CLEC4F: variants seen among roughly 807,000 people sequenced by gnomAD.
The protein encoded by CLEC4F is C-type (calcium dependent, carbohydrate-recognition domain) lectin, superfamily member 13.
Under a neutral mutation model 53.4 loss-of-function variants are expected in CLEC4F, and 45 were observed. The observed-to-expected ratio is 0.84, with a 90% confidence interval of 0.66 to 1.08. The LOEUF (loss-of-function observed/expected upper bound fraction) is 1.08. Among genes scored for constraint, CLEC4F ranks in the 50% least tolerant of loss-of-function variants. The probability of loss-of-function intolerance (pLI) is 0.00; values close to 1 mark genes in which losing one functional copy is unlikely to be tolerated. For synonymous variants in CLEC4F, 245 were observed against 257.5 expected (o/e 0.95, Z 0.46); for missense variants, 753 against 698.2 (o/e 1.08, Z -0.88).
chr2:70,819,540 G>C, intron 2 of CLEC4F, 96 bp from the exon 3 acceptor site: 1 of 1,214,094 alleles, frequency 8.2e-7, no homozygotes, highest in East Asian at 2.3e-5. Context: ...GAACCGGGGA[G>C]ATAGCAGCAA....
At chr2:70,824,621 C>CAAAAAAAAAAAAAAAAAAAA (rs1388918958), upstream of CLEC4F, among the ~76,000 whole-genome samples, 31 of 38,264 alleles carry the variant, frequency 8.1e-4, 2 homozygotes, top group South Asian at 2.6e-3. Context: ...TGCTTAGTTA[C>CAAAAAAAAAAAAAAAAAAAA]CAAAAAAAAA....
intron 4 of CLEC4F, among the ~76,000 whole-genome samples, chr2:70,813,805 T>C (rs1379591659): frequency 1.3e-5 from 2 of 151,874 alleles, no homozygotes; most frequent in Non-Finnish European, 2.9e-5. Context: ...CCCTCCTGAG[T>C]AGCTGGGATT....
At chr2:70,818,252 G>A (rs529227057) in intron 3 of CLEC4F, among the ~76,000 whole-genome samples, 2 of 152,326 alleles carry the variant, frequency 1.3e-5, no homozygotes, top group East Asian at 1.9e-4. Context: ...GCGACAGAAT[G>A]GAGAATACGG....
upstream of CLEC4F, among the ~76,000 whole-genome samples, chr2:70,823,175 G>C (rs1444127550): frequency 1.3e-5 from 2 of 152,150 alleles, no homozygotes; most frequent in Non-Finnish European, 2.9e-5. Context: ...CCAATGTGTA[G>C]AGTGCAGAGC....
chr2:70,816,485 T>C lies in CLEC4F; in HGVS notation c.896A>G (p.Asn299Ser). The change falls in exon 4 of 7, where the codon AAC becomes AGC. Residue 299 changes from asparagine (N) to serine (S), a missense_variant. Coordinates refer to ENST00000272367, the MANE Select transcript of CLEC4F (RefSeq NM_173535.3). ...KENLQNTNAL[N>S]SQTQAFIKSS... is the part of the protein sequence containing the mutation. ...TTTTATAAAGGCCTGGGTCTGGGAG[T>C]TTAAAGCATTTGTGTTCTGCAAATT... 6.2e-7 allele frequency: 1 copy of C among 1,614,048 alleles called. No individual in the cohort carries two copies. Among genetic ancestry groups the C allele is most frequent in the African/African-American group, 1.3e-5 (1 of 74,978 alleles).
At position 70,813,498 on chromosome 2, in the gene CLEC4F, C is replaced by G. The variant is rs1275166275; in HGVS notation, c.1388-900G>C. The stretch of plus-strand genomic sequence containing the variant: ...GCTGAGTCTCTCTTTCTTTCTTTTT[C>G]TTTCTTTCTTTCTTTTCTTTCTTTC... On this transcript the variant is annotated intron_variant, in intron 4 of 6. Coordinates refer to ENST00000272367, the MANE Select transcript of CLEC4F (RefSeq NM_173535.3). 3.7e-5 allele frequency among the ~76,000 whole-genome samples: 4 copies of G among 107,940 alleles called. 1 individual carries two copies. The highest frequency in any genetic ancestry group is 1.0e-4 in the African/African-American group (3 of 29,514). The allele number at this position is 107,940 out of a possible 152,430, so 70.8% of individuals were successfully genotyped here.
intron 5 of CLEC4F, chr2:70,811,261 C>CAT: frequency 1.0e-6 from 1 of 981,814 alleles, no homozygotes; most frequent in Non-Finnish European, 1.6e-6. Flanking sequence ...TCTTAAATGT[C>CAT]ATACTTCCAT....
At chr2:70,810,593 T>A (rs1166717733) in intron 5 of CLEC4F, among the ~76,000 whole-genome samples, 1 of 112,256 alleles carries the variant, frequency 8.9e-6, no homozygotes, top group Non-Finnish European at 1.7e-5. Context: ...CACTCCAGCC[T>A]GGGCAATAGA....
chr2:70,822,707 T>G (rs562132197), upstream of CLEC4F, among the ~76,000 whole-genome samples: 2 of 152,352 alleles, frequency 1.3e-5, no homozygotes, highest in African/African-American at 4.8e-5. Flanking sequence ...ATAAATCACA[T>G]TTTCTTTCAC....
At chr2:70,822,121 A>T (rs940733642), upstream of CLEC4F, among the ~76,000 whole-genome samples, 1 of 152,138 alleles carries the variant, frequency 6.6e-6, no homozygotes. Flanking sequence ...TGTAGCTAGC[A>T]TCTGAAGGGG....
chr2:70,820,636 T>G (rs1302007644), upstream of CLEC4F: 2 of 1,023,426 alleles, frequency 2.0e-6, no homozygotes, highest in South Asian at 3.3e-5. Flanking sequence ...TATATGCTCC[T>G]GACCACCCTC....
rs1553396046 is a variant in CLEC4F at position 70,816,554 on chromosome 2, T to G, written c.827A>C (p.Asn276Thr). The stretch of plus-strand genomic sequence containing the variant: ...CTCAGCATTGGCTCCTTCCAAACTA[T>G]TTCTTAAAACCTGGTTCTGGGTCCT... ...DLRTQNQVLRNSLEGANAEIQ... is the reference protein window; with the variant it reads ...DLRTQNQVLRTSLEGANAEIQ... The change falls in exon 4 of 7, where the codon AAT (asparagine) becomes ACT (threonine). Residue 276 changes from asparagine (N) to threonine (T), a missense_variant. Coordinates refer to ENST00000272367, the MANE Select transcript of CLEC4F (RefSeq NM_173535.3). 6.2e-7 allele frequency: 1 copy of G among 1,613,978 alleles called. No individual in the cohort carries two copies. Among genetic ancestry groups the G allele is most frequent in the South Asian group, 1.1e-5 (1 of 91,062 alleles).
Position 70,816,316 on chromosome 2 carries a change from T to C in CLEC4F, c.1065A>G (p.Thr355=), listed in dbSNP as rs1676903775. Residue 355 remains threonine, a synonymous_variant, in exon 4 of 7, where the codon ACA becomes ACG. Transcript: ENST00000272367. ...TQKANGRLDQ[T]DTQIQVFKSE... is the part of the protein sequence containing the mutation. ...ACTTGAATACCTGAATCTGAGTATC[T>C]GTCTGGTCCAGACGGCCATTTGCTT... The C allele has an allele frequency of 1.2e-6, 2 of 1,614,212 alleles. No homozygotes were observed. Among genetic ancestry groups the C allele is most frequent in the Non-Finnish European group, 8.5e-7 (1 of 1,180,018 alleles).
In CLEC4F at chr2:70,817,030, C is replaced by T. The variant is rs782143511; in HGVS notation, c.351G>A (p.Trp117Ter). The T allele has an allele frequency of 1.2e-5, 19 of 1,614,040 alleles. No homozygotes were observed. The South Asian group carries it at 1.6e-4, about 14-fold the overall frequency. Reference protein sequence around the residue: ...FKGHMENSSAWVVEIQMLKCR... With the variant: ...FKGHMENSSA The stretch of plus-strand genomic sequence containing the variant: ...ACTTCAACATCTGGATTTCTACTAC[C>T]CAGGCACTGGAATTCTCCATGTGGC... Residue 117 changes from tryptophan (W) to a stop codon, truncating the protein, a stop_gained, in exon 4 of 7, where the codon TGG becomes TGA. Transcript: ENST00000272367. LOFTEE classifies it high-confidence loss of function.
chr2:70,810,010 A>T (rs1676462951), intron 5 of CLEC4F, among the ~76,000 whole-genome samples, 153 bp from the exon 6 acceptor site: 1 of 152,220 alleles, frequency 6.6e-6, no homozygotes, highest in Non-Finnish European at 1.5e-5. Flanking sequence ...TCATTTGGGG[A>T]AAGTTAAGAG....
At chr2:70,823,543 A>G (rs559126181), upstream of CLEC4F, among the ~76,000 whole-genome samples, 10 of 152,318 alleles carry the variant, frequency 6.6e-5, no homozygotes, top group East Asian at 1.7e-3. Flanking sequence ...TCCCTTGCCC[A>G]ACTGGAAGGT....
intron 6 of CLEC4F, among the ~76,000 whole-genome samples, 168 bp downstream of exon 6, chr2:70,809,571 C>A (rs1676428148): frequency 1.3e-5 from 2 of 152,048 alleles, no homozygotes; most frequent in South Asian, 4.1e-4. Flanking sequence ...ATGCATTACA[C>A]ATGCCACATA....
In CLEC4F at chr2:70,817,874, G is replaced by A. The variant is rs146212132; in HGVS notation, c.269-762C>T. ...AACAGTTTGAGGATACAGGAAACCT[G>A]AGTAAAAGGCCTTGCGCTGGGGTCG... On this transcript the variant is annotated intron_variant, in intron 3 of 6. Coordinates refer to ENST00000272367, the MANE Select transcript of CLEC4F (RefSeq NM_173535.3). Among the ~76,000 whole-genome samples, 253 of 152,314 alleles carry A rather than the reference G, an allele frequency of 1.7e-3. 1 individual carries two copies. The highest frequency in any genetic ancestry group is 5.7e-3 in the African/African-American group (237 of 41,558).
In CLEC4F at chr2:70,819,982, G is replaced by C. The variant is rs1268498323; in HGVS notation, c.62-91C>G. 4.1e-5 allele frequency: 33 copies of C among 813,654 alleles called. 1 individual carries two copies. The African/African-American group carries it at 5.8e-4, about 14-fold the overall frequency. 50.4% of individuals were successfully genotyped at this position (813,654 alleles called of 1,614,324 possible). A position where few individuals can be genotyped will look rare whatever the true frequency, so the allele number is the denominator to read the frequency against. ...GCTGAGACACAGCCTCTCTGATTCT[G>C]TTTCCTGGGTTGTCTAATGGGGATG... On this transcript the variant is annotated intron_variant, in intron 1 of 6. Coordinates refer to ENST00000272367, the MANE Select transcript of CLEC4F (RefSeq NM_173535.3).
Sources: gnomAD v4.1 joint callset for allele counts (sites outside exome capture counted in the v4.1 genomes callset) on GRCh38, gnomAD v4.1.1 for gene constraint, MANE v1.5 for transcripts, NCBI Gene and HGNC (gene_info 2026-07-23, HGNC 2026-07-21) for gene names.